The following ANGPT2 variants were observed in gnomAD, a reference collection of about 807,000 sequenced individuals.
ANGPT2 encodes the protein angiopoietin-2.
A neutral mutation model predicts 62.9 loss-of-function variants in ANGPT2; 28 were observed. The ratio of observed to expected loss-of-function variants is 0.44; its 90% CI spans 0.33 to 0.61. The LOEUF (loss-of-function observed/expected upper bound fraction) is 0.61, where lower values mean the gene tolerates loss of function less well. ANGPT2 is among the 20% of genes least tolerant of loss of function. ANGPT2 has a pLI of 0.03. For synonymous variants in ANGPT2, 284 were observed against 207.8 expected (o/e 1.37, Z -3.15); for missense variants, 727 against 594.9 (o/e 1.22, Z -2.31).
At chr8:6,544,334 C>T (rs80079684) in intron 1 of ANGPT2, among the ~76,000 whole-genome samples, 8 of 152,226 alleles carry the variant, frequency 5.3e-5, no homozygotes, top group East Asian at 1.9e-4. Flanking sequence ...CACTGTGTTC[C>T]GTGATGATTA....
At chr8:6,545,211 C>T (rs112491755) in intron 1 of ANGPT2, among the ~76,000 whole-genome samples, 1 of 152,046 alleles carries the variant, frequency 6.6e-6, no homozygotes, top group African/African-American at 2.4e-5. Flanking sequence ...AGCAGTGGCA[C>T]GAGGGAGCCT....
At chr8:6,511,873 C>T (rs1242616296) in intron 7 of ANGPT2, among the ~76,000 whole-genome samples, 1 of 151,000 alleles carries the variant, frequency 6.6e-6, no homozygotes, top group Admixed American at 6.6e-5. Flanking sequence ...TTTATACAAA[C>T]AGCCTAATCC....
At chr8:6,511,039 A>G (rs1715930382) in intron 7 of ANGPT2, among the ~76,000 whole-genome samples, 1 of 152,208 alleles carries the variant, frequency 6.6e-6, no homozygotes. Flanking sequence ...ATTGAGATGA[A>G]CCACTTCCCT....
At chr8:6,522,657 C>T (rs1382363591) in intron 3 of ANGPT2, among the ~76,000 whole-genome samples, 1 of 149,408 alleles carries the variant, frequency 6.7e-6, no homozygotes, top group East Asian at 2.1e-4. Context: ...GAATGTAATC[C>T]CAGCTACTCA....
At chr8:6,522,785 A>G (rs1279064954) in intron 3 of ANGPT2, among the ~76,000 whole-genome samples, 1 of 148,806 alleles carries the variant, frequency 6.7e-6, no homozygotes, top group African/African-American at 2.5e-5. Flanking sequence ...AAAAAAAAAA[A>G]GAAAAGAAAA....
At position 6,505,499 on chromosome 8, in the gene ANGPT2, ATATG is replaced by A. The variant is rs1214349972; in HGVS notation, c.1328-2242_1328-2239del. Among the ~76,000 whole-genome samples, 13 of 4,914 alleles carry A rather than the reference ATATG, an allele frequency of 2.6e-3. 1 individual carries two copies. Among genetic ancestry groups the A allele is most frequent in the Admixed American group, 5.7e-3 (1 of 176 alleles). 3.2% of individuals were successfully genotyped at this position (4,914 alleles called of 152,430 possible). On this transcript the variant is annotated intron_variant, in intron 8 of 8. Transcript: ENST00000629816. ...TATATAGAATATATATATTCTTTAT[ATATG>A]TATATATAGAATATATATTCTTTAT...
At chr8:6,514,879 G>A (rs549056974) in intron 5 of ANGPT2, 101 bp from the exon 6 acceptor site, 8 of 952,484 alleles carry the variant, frequency 8.4e-6, no homozygotes, top group South Asian at 3.0e-5. Flanking sequence ...GGACTCAGCC[G>A]AGAGGGTTCT....
intron 1 of ANGPT2, among the ~76,000 whole-genome samples, chr8:6,557,255 G>A (rs1457525238): frequency 6.6e-6 from 1 of 152,064 alleles, no homozygotes; most frequent in Non-Finnish European, 1.5e-5. Context: ...ACTGCAGAGG[G>A]TACTGGTGTT....
In ANGPT2 at chr8:6,501,774, C is replaced by G. The variant is rs956841493; in HGVS notation, c.*1327G>C. The G allele has an allele frequency of 2.0e-5, 3 of 152,046 alleles. No homozygotes were observed. The highest frequency in any genetic ancestry group is 4.4e-5 in the Non-Finnish European group (3 of 68,042). The allele number at this position is 152,046 out of a possible 1,614,324, so 9.4% of individuals were successfully genotyped here. A position where few individuals can be genotyped will look rare whatever the true frequency, so the allele number is the denominator to read the frequency against. On this transcript the variant is annotated 3_prime_UTR_variant, in exon 9 of 9. Coordinates refer to ENST00000629816, the MANE Select transcript of ANGPT2 (RefSeq NM_001118887.2). ...GTTTCACCATGTTGTCCAGGCTGGT[C>G]TTGAACTCCTGACCTCAGGTGATCT...
chr8:6,526,094 T>C (rs1172820735), intron 3 of ANGPT2, among the ~76,000 whole-genome samples: 2 of 151,910 alleles, frequency 1.3e-5, no homozygotes, highest in Non-Finnish European at 2.9e-5. Flanking sequence ...CACTGCAGCA[T>C]TTTGAAGAGA....
intron 1 of ANGPT2, among the ~76,000 whole-genome samples, chr8:6,533,528 T>A (rs535648193): frequency 6.6e-6 from 1 of 151,558 alleles, no homozygotes; most frequent in Admixed American, 6.6e-5. Context: ...GCTTTTAAAG[T>A]CATTGTGTAT....
intron 5 of ANGPT2, among the ~76,000 whole-genome samples, chr8:6,517,092 TAG>T (rs1190997826): frequency 6.6e-6 from 1 of 152,206 alleles, no homozygotes; most frequent in African/African-American, 2.4e-5. Context: ...AGTGTTCAAA[TAG>T]AGTTATCTAC....
chr8:6,505,221 A>G (rs1415735061), intron 8 of ANGPT2, among the ~76,000 whole-genome samples: 1 of 68,250 alleles, frequency 1.5e-5, no homozygotes, highest in Non-Finnish European at 2.5e-5. Flanking sequence ...ATATATATAT[A>G]TTCTTATGTA....
At chr8:6,556,667 G>A (rs1244771939) in intron 1 of ANGPT2, among the ~76,000 whole-genome samples, 6 of 151,828 alleles carry the variant, frequency 4.0e-5, no homozygotes, top group South Asian at 2.1e-4. Context: ...AGGCTGGAGC[G>A]CAATGGCACC....
Position 6,530,854 on chromosome 8 carries a change from G to A in ANGPT2, c.444+1478C>T, listed in dbSNP as rs185721435. Among the ~76,000 whole-genome samples the A allele has an allele frequency of 1.8e-3, 269 of 152,292 alleles. 2 individuals are homozygous for A. The highest frequency in any genetic ancestry group is 1.7e-3 in the Non-Finnish European group (114 of 68,026). ...ATGAAAGAACAGCTGTGTCCTTCTAGAATGAGTCTTACGAGAGTGGCAGGG... is the reference window on the plus strand; with the variant it reads ...ATGAAAGAACAGCTGTGTCCTTCTAAAATGAGTCTTACGAGAGTGGCAGGG... On this transcript the variant is annotated intron_variant, in intron 2 of 8. Coordinates refer to ENST00000629816, the MANE Select transcript of ANGPT2 (RefSeq NM_001118887.2).
At chr8:6,547,249 G>A (rs928325425) in intron 1 of ANGPT2, among the ~76,000 whole-genome samples, 57 of 152,086 alleles carry the variant, frequency 3.7e-4, no homozygotes, top group African/African-American at 1.3e-3. Flanking sequence ...ACAGCAATTC[G>A]GGAAGTAAAC....
intron 1 of ANGPT2, among the ~76,000 whole-genome samples, chr8:6,543,492 G>A (rs188929689): frequency 4.1e-4 from 62 of 152,312 alleles, no homozygotes; most frequent in Non-Finnish European, 7.1e-4. Flanking sequence ...GGCAATGTGC[G>A]TGGGTCGTGG....
At chr8:6,537,464 A>G (rs1416412031) in intron 1 of ANGPT2, among the ~76,000 whole-genome samples, 3 of 152,100 alleles carry the variant, frequency 2.0e-5, no homozygotes, top group Non-Finnish European at 4.4e-5. Context: ...ATTTGCTAAA[A>G]GAGTTGCGCC....
intron 1 of ANGPT2, among the ~76,000 whole-genome samples, chr8:6,546,056 G>C (rs1051239485): frequency 6.6e-6 from 1 of 152,226 alleles, no homozygotes; most frequent in Non-Finnish European, 1.5e-5. Context: ...GTGAGTCCCA[G>C]TTCAGTTCCT....
Sources: gnomAD v4.1 joint callset for allele counts (sites outside exome capture counted in the v4.1 genomes callset) on GRCh38, gnomAD v4.1.1 for gene constraint, MANE v1.5 for transcripts, NCBI Gene and HGNC (gene_info 2026-07-23, HGNC 2026-07-21) for gene names.